Variants in SCN11A observed in about 807,000 individuals in gnomAD.
The protein encoded by SCN11A is sodium voltage-gated channel alpha subunit 11.
In SCN11A, 122 loss-of-function variants were observed where a neutral mutation model predicts 162.2. That is an observed-to-expected ratio of 0.75 (90% CI 0.65 to 0.87). SCN11A has a LOEUF of 0.87. SCN11A is among the 40% of genes least tolerant of loss of function. SCN11A has a pLI of 0.00. For missense variants in SCN11A, 2,015 were observed against 2,181.6 expected (o/e 0.92, Z 1.52); for synonymous variants, 758 against 751.5 (o/e 1.01, Z -0.14).
chr3:38,919,280 G>T (rs2066008781), intron 11 of SCN11A, among the ~76,000 whole-genome samples: 1 of 152,170 alleles, frequency 6.6e-6, no homozygotes, highest in African/African-American at 2.4e-5. Flanking sequence ...CAAACTCAGG[G>T]CTTGGCACTC....
intron 22 of SCN11A, 32 bp from the exon 23 acceptor site, chr3:38,880,155 T>C (rs2065285725): frequency 6.5e-7 from 1 of 1,527,934 alleles, no homozygotes; most frequent in Non-Finnish European, 8.9e-7. Context: ...ATAGGCCAGG[T>C]TGAATATTTG....
intron 1 of SCN11A, among the ~76,000 whole-genome samples, chr3:39,035,764 C>T (rs370677178): frequency 3.3e-5 from 5 of 151,990 alleles, no homozygotes; most frequent in Non-Finnish European, 7.4e-5. Context: ...CTCAGCCTCC[C>T]GAGTAGCTGG....
At chr3:39,000,491 AC>A (rs2030775821) in intron 2 of SCN11A, among the ~76,000 whole-genome samples, 1 of 151,858 alleles carries the variant, frequency 6.6e-6, no homozygotes, top group Non-Finnish European at 1.5e-5. Flanking sequence ...ATTCAAATAT[AC>A]CCTCTAGAAG....
intron 28 of SCN11A, among the ~76,000 whole-genome samples, chr3:38,853,726 T>C (rs904131824): frequency 6.6e-6 from 1 of 152,250 alleles, no homozygotes; most frequent in Non-Finnish European, 1.5e-5. Context: ...CTCCAAATTA[T>C]CTGCATGCTT....
intron 28 of SCN11A, among the ~76,000 whole-genome samples, chr3:38,853,925 A>T (rs544688242): frequency 2.7e-4 from 41 of 152,300 alleles, no homozygotes; most frequent in Admixed American, 7.2e-4. Context: ...CTGCAAGCAC[A>T]GAGCTGCCCT....
intron 15 of SCN11A, 112 bp downstream of exon 15, chr3:38,905,080 G>A (rs909995381): frequency 7.3e-7 from 1 of 1,371,970 alleles, no homozygotes; most frequent in Non-Finnish European, 1.0e-6. Context: ...GGTACAGTGG[G>A]TTGGTTCCAA....
intron 8 of SCN11A, 48 bp downstream of exon 8, chr3:38,926,755 C>T (rs2066148165): frequency 6.3e-7 from 1 of 1,590,004 alleles, no homozygotes; most frequent in South Asian, 1.1e-5. Context: ...AGCAAAGGGG[C>T]TTCTTTCCCA....
chr3:38,923,943 C>T (rs1219764050), intron 9 of SCN11A, among the ~76,000 whole-genome samples: 1 of 152,092 alleles, frequency 6.6e-6, no homozygotes, highest in Non-Finnish European at 1.5e-5. Context: ...CTGGAGAGTC[C>T]CTGAGCCAAA....
rs544642822 is a variant in SCN11A, at chr3:38,846,969, C to A, written c.5101G>T (p.Asp1701Tyr). The A allele has an allele frequency of 5.0e-6, 8 of 1,614,116 alleles. No individual in the cohort carries two copies. In the East Asian group the frequency reaches 1.6e-4, roughly 31 times the overall value. Reference sequence around the variant, plus strand: ...TCTTCCATCATTGCTTTCATACTATCTAGGCCATCAGAGCCACCGAGTACC... The same window carrying A: ...TCTTCCATCATTGCTTTCATACTATATAGGCCATCAGAGCCACCGAGTACC... ...ARVLGGSDGLDSMKAMMEEKF... is the reference protein window; with the variant it reads ...ARVLGGSDGLYSMKAMMEEKF... The change falls in exon 30 of 30, where the codon GAT becomes TAT. Residue 1701 changes from aspartate (D) to tyrosine (Y), a missense_variant. Transcript: ENST00000302328.
chr3:38,889,871 G>T (rs1018913743), intron 19 of SCN11A, among the ~76,000 whole-genome samples: 1 of 138,664 alleles, frequency 7.2e-6, no homozygotes, highest in African/African-American at 2.7e-5. Flanking sequence ...ATAAAATAAA[G>T]AAATAAATGC....
intron 29 of SCN11A, chr3:38,849,247 T>C (rs1432755652): frequency 6.6e-6 from 1 of 150,718 alleles, no homozygotes; most frequent in Non-Finnish European, 1.5e-5. Flanking sequence ...CTGACCACCA[T>C]TTTCTAGCCC....
intron 7 of SCN11A, among the ~76,000 whole-genome samples, chr3:38,933,401 A>G (rs1389092706): frequency 6.6e-6 from 1 of 152,238 alleles, no homozygotes; most frequent in Non-Finnish European, 1.5e-5. Context: ...TGAGAGAAGA[A>G]GGCTTCAGAC....
At chr3:38,847,904 C>G (rs2064702876) in intron 29 of SCN11A, among the ~76,000 whole-genome samples, 162 bp from the exon 30 acceptor site, 1 of 152,136 alleles carries the variant, frequency 6.6e-6, no homozygotes, top group Non-Finnish European at 1.5e-5. Flanking sequence ...GGGAAAATAC[C>G]TATCTGTGTC....
chr3:38,995,585 T>C (rs2030600548), intron 2 of SCN11A, among the ~76,000 whole-genome samples: 1 of 152,122 alleles, frequency 6.6e-6, no homozygotes, highest in East Asian at 1.9e-4. Context: ...GAGAAATTCC[T>C]CTCTTTTCCT....
chr3:38,932,759 C>T (rs1355644351), intron 7 of SCN11A, among the ~76,000 whole-genome samples: 3 of 152,370 alleles, frequency 2.0e-5, no homozygotes, highest in South Asian at 4.1e-4. Context: ...TCAAGGAGGC[C>T]TGCCTGCCTC....
chr3:38,904,065 C>T lies in SCN11A; in HGVS notation c.1642G>A (p.Glu548Lys), dbSNP rs1397102658. The T allele has an allele frequency of 6.3e-7, 1 of 1,599,766 alleles. No individual in the cohort carries two copies. The highest frequency in any genetic ancestry group is 1.1e-5 in the South Asian group (1 of 87,812). ...ACGAGGTACTTGGATGCCAGGTTTT[C>T]TCCACAAGGGAGACAAGGCTCTTGT... ...KSQEPCLPCG[E>K]NLASKYLVWN... is the part of the protein sequence containing the mutation. Residue 548 changes from glutamate to lysine, a missense_variant, in exon 16 of 30, where the codon GAA becomes AAA. Transcript: ENST00000302328.
intron 12 of SCN11A, 57 bp downstream of exon 12, chr3:38,910,009 G>C: frequency 6.6e-7 from 1 of 1,526,406 alleles, no homozygotes; most frequent in Non-Finnish European, 8.9e-7. Context: ...TGATAGAGGG[G>C]GAAGGAAAAG....
At chr3:38,887,052 C>A (rs533172117) in intron 19 of SCN11A, among the ~76,000 whole-genome samples, 6 of 152,264 alleles carry the variant, frequency 3.9e-5, no homozygotes, top group South Asian at 2.1e-4. Context: ...TTTCCTTTCC[C>A]ATACTATATT....
intron 21 of SCN11A, 76 bp from the exon 22 acceptor site, chr3:38,883,463 C>G (rs1287538157): frequency 2.1e-5 from 29 of 1,410,608 alleles, no homozygotes; most frequent in Non-Finnish European, 2.8e-5. Context: ...TCACCCCTTT[C>G]TGTGTTCATG....
Sources: gnomAD v4.1 joint callset for allele counts (sites outside exome capture counted in the v4.1 genomes callset) on GRCh38, gnomAD v4.1.1 for gene constraint, MANE v1.5 for transcripts, NCBI Gene and HGNC (gene_info 2026-07-23, HGNC 2026-07-21) for gene names.